The following PAG1 variants were observed in gnomAD, a reference collection of about 807,000 sequenced individuals.
PAG1 encodes the protein phosphoprotein membrane anchor with glycosphingolipid microdomains 1.
Under a neutral mutation model 31.7 loss-of-function variants are expected in PAG1, and 23 were observed. That is an observed-to-expected ratio of 0.73 (90% CI 0.52 to 1.03). The LOEUF is 1.03. PAG1 is among the 50% of genes least tolerant of loss of function. PAG1 has a pLI of 0.00. For missense variants in PAG1, 473 were observed against 540.7 expected, an observed-to-expected ratio of 0.87 and a Z score of 1.24; for synonymous variants, 214 against 210.3, an observed-to-expected ratio of 1.02 and a Z score of -0.15.
chr8:80,978,671 A>C (rs2130350144), intron 8 of PAG1, among the ~76,000 whole-genome samples: 1 of 152,314 alleles, frequency 6.6e-6, no homozygotes, highest in African/African-American at 2.4e-5. Context: ...TCATTCATTA[A>C]CTTGCAATTT....
At chr8:81,050,548 G>C (rs1427222300) in intron 2 of PAG1, among the ~76,000 whole-genome samples, 1 of 152,026 alleles carries the variant, frequency 6.6e-6, no homozygotes, top group African/African-American at 2.4e-5. Context: ...AATGCCATAA[G>C]ACATGGGAGA....
At chr8:81,087,063 G>A (rs1345379111) in intron 1 of PAG1, among the ~76,000 whole-genome samples, 1 of 152,126 alleles carries the variant, frequency 6.6e-6, no homozygotes, top group Non-Finnish European at 1.5e-5. Flanking sequence ...CTGTAGAAGC[G>A]GCCAGGCGTG....
intron 2 of PAG1, among the ~76,000 whole-genome samples, chr8:81,033,262 G>A (rs1201869734): frequency 6.6e-6 from 1 of 152,162 alleles, no homozygotes; most frequent in African/African-American, 2.4e-5. Context: ...GGAATCATGG[G>A]AGTTGTTACA....
rs1375366742 is a variant in PAG1 at position 80,969,433 on chromosome 8, A to G, written c.*7111T>C. ...TTTCAGGGAAGCCTTCACTACCTAAATGAGGAGCTAAAGATTAAAAAAAAA... is the reference window on the plus strand; with the variant it reads ...TTTCAGGGAAGCCTTCACTACCTAAGTGAGGAGCTAAAGATTAAAAAAAAA... On this transcript the variant is annotated 3_prime_UTR_variant, in exon 9 of 9. Coordinates refer to ENST00000220597, the MANE Select transcript of PAG1 (RefSeq NM_018440.4). 1 of 152,180 alleles carries G rather than the reference A, an allele frequency of 6.6e-6. No individual in the cohort carries two copies. The highest frequency in any genetic ancestry group is 6.5e-5 in the Admixed American group (1 of 15,284). The allele number at this position is 152,180 out of a possible 1,614,324, so 9.4% of individuals were successfully genotyped here. A position where few individuals can be genotyped will look rare whatever the true frequency, so the allele number is the denominator to read the frequency against.
At chr8:81,058,790 G>C (rs954168078) in intron 2 of PAG1, 5 of 138,420 alleles carry the variant, frequency 3.6e-5, no homozygotes, top group African/African-American at 1.4e-4. Context: ...CAGCTACTTG[G>C]GGAGGCTAAG....
At chr8:81,050,308 C>A (rs1289819968) in intron 2 of PAG1, among the ~76,000 whole-genome samples, 1 of 152,276 alleles carries the variant, frequency 6.6e-6, no homozygotes, top group East Asian at 1.9e-4. Flanking sequence ...ATAAATTAGT[C>A]TACCTCATTC....
At chr8:81,094,021 G>A (rs555720823) in intron 1 of PAG1, among the ~76,000 whole-genome samples, 27 of 152,306 alleles carry the variant, frequency 1.8e-4, no homozygotes, top group Admixed American at 1.6e-3. Flanking sequence ...GTCTGCTGTG[G>A]GGTGTGGGCT....
At chr8:81,016,462 T>C (rs529155113) in intron 3 of PAG1, among the ~76,000 whole-genome samples, 1 of 152,188 alleles carries the variant, frequency 6.6e-6, no homozygotes, top group Admixed American at 6.5e-5. Flanking sequence ...CGGCTAGACA[T>C]ATTTTCTACG....
rs73273879 is a variant in PAG1, at chr8:80,978,631, A to C, written c.937-1725T>G. Among the ~76,000 whole-genome samples the C allele has an allele frequency of 1.7e-3, 257 of 152,304 alleles. 1 individual carries two copies. Among genetic ancestry groups the C allele is most frequent in the African/African-American group, 5.9e-3 (247 of 41,562 alleles). On this transcript the variant is annotated intron_variant, in intron 8 of 8. Coordinates refer to ENST00000220597, the MANE Select transcript of PAG1 (RefSeq NM_018440.4). ...GTAATTAATGCCCCTCACTCTTTGT[A>C]AGAGTACTTGGTCTTCTTGGCCTTT...
intron 2 of PAG1, among the ~76,000 whole-genome samples, chr8:81,032,764 G>C (rs561214073): frequency 6.6e-6 from 1 of 152,172 alleles, no homozygotes; most frequent in African/African-American, 2.4e-5. Context: ...ACAAAAACTT[G>C]CACATAGATA....
At chr8:81,085,887 G>C (rs2131036209) in intron 1 of PAG1, among the ~76,000 whole-genome samples, 1 of 150,164 alleles carries the variant, frequency 6.7e-6, no homozygotes, top group South Asian at 2.1e-4. Flanking sequence ...CATGCATTTT[G>C]GTCAATTATG....
chr8:81,046,845 A>G (rs1234459625), intron 2 of PAG1, among the ~76,000 whole-genome samples: 1 of 150,436 alleles, frequency 6.6e-6, no homozygotes, highest in Non-Finnish European at 1.5e-5. Context: ...CCCTCCTCCT[A>G]CCCCCCAACC....
chr8:81,032,603 G>C (rs931697472), intron 2 of PAG1, among the ~76,000 whole-genome samples: 23 of 152,188 alleles, frequency 1.5e-4, no homozygotes, highest in Non-Finnish European at 5.9e-5. Context: ...AGAGATATCA[G>C]AACCCCATGC....
chr8:81,023,390 A>C (rs2130747631), intron 3 of PAG1, among the ~76,000 whole-genome samples: 1 of 152,320 alleles, frequency 6.6e-6, no homozygotes, highest in African/African-American at 2.4e-5. Context: ...ATAGATAAAG[A>C]GATAAAAGTT....
chr8:81,090,523 T>C (rs1809427881), intron 1 of PAG1, among the ~76,000 whole-genome samples: 1 of 152,144 alleles, frequency 6.6e-6, no homozygotes, highest in Admixed American at 6.5e-5. Flanking sequence ...CATAGTCCAG[T>C]GGGAGAAAGA....
At chr8:81,103,371 C>T (rs557526950) in intron 1 of PAG1, among the ~76,000 whole-genome samples, 22 of 152,194 alleles carry the variant, frequency 1.4e-4, no homozygotes, top group Middle Eastern at 6.8e-3. Flanking sequence ...TGGAGTGGTA[C>T]GAACCCAGGA....
chr8:81,006,934 G>A (rs1807889717), intron 3 of PAG1, among the ~76,000 whole-genome samples: 1 of 152,094 alleles, frequency 6.6e-6, no homozygotes, highest in Non-Finnish European at 1.5e-5. Context: ...TGTATGTAAG[G>A]CAGTCAACAT....
chr8:81,095,193 T>TG (rs1489756301), intron 1 of PAG1, among the ~76,000 whole-genome samples: 1 of 152,190 alleles, frequency 6.6e-6, no homozygotes, highest in African/African-American at 2.4e-5. Context: ...AGTGTACTCA[T>TG]GGGGCTGTGA....
chr8:80,982,054 C>A (rs1024118264), intron 7 of PAG1, among the ~76,000 whole-genome samples: 1 of 151,748 alleles, frequency 6.6e-6, no homozygotes, highest in Non-Finnish European at 1.5e-5. Context: ...TTTGTAGAGA[C>A]GGGGTGCTGC....
Sources: allele counts gnomAD v4.1 joint callset (sites outside exome capture counted in the v4.1 genomes callset), GRCh38; gene constraint gnomAD v4.1.1; transcripts MANE v1.5; gene names NCBI Gene and HGNC (gene_info 2026-07-23, HGNC 2026-07-21).